NDST1: variants seen among roughly 807,000 people sequenced by gnomAD.
The protein encoded by NDST1 is N-deacetylase and N-sulfotransferase 1, also known as bifunctional heparan sulfate N-deacetylase/N-sulfotransferase 1.
A neutral mutation model predicts 92.8 loss-of-function variants in NDST1; 35 were observed. The ratio of observed to expected loss-of-function variants is 0.38; its 90% CI spans 0.29 to 0.50. The LOEUF (loss-of-function observed/expected upper bound fraction) is 0.50, where lower values mean the gene tolerates loss of function less well. Ranked by LOEUF, NDST1 falls within the 20% of genes least tolerant of loss-of-function variation. The pLI is 0.94. For missense variants in NDST1, 822 were observed against 1,182.7 expected (o/e 0.69, Z 4.47); for synonymous variants, 493 against 500.3 (o/e 0.99, Z 0.19).
intron 8 of NDST1, 23 bp from the exon 9 acceptor site, chr5:150,541,547 C>T (rs375545771): frequency 7.3e-5 from 117 of 1,611,806 alleles, no homozygotes; most frequent in Non-Finnish European, 9.3e-5. Context: ...GCGCCCCACA[C>T]ATCCCTTCCA....
intron 2 of NDST1, among the ~76,000 whole-genome samples, chr5:150,523,722 CGT>C (rs1754344742): frequency 6.6e-6 from 1 of 152,128 alleles, no homozygotes; most frequent in African/African-American, 2.4e-5. Context: ...GGCCATTGGG[CGT>C]AATTGGTACA....
At position 150,548,244 on chromosome 5, in the gene NDST1, G is replaced by A. The variant is rs1755576383; in HGVS notation, c.2172G>A (p.Val724=). ...YQHQRAHDDP[V]ALKYTFHEVI... is the part of the protein sequence containing the mutation. ...ACCAGCGAGCCCATGACGACCCAGT[G>A]GCCCTAAAGTACACCTTCCATGAGG... Residue 724 remains valine, a synonymous_variant, in exon 12 of 15, where the codon GTG becomes GTA. Coordinates refer to ENST00000261797, the MANE Select transcript of NDST1 (RefSeq NM_001543.5). 3.1e-6 allele frequency: 5 copies of A among 1,614,070 alleles called. No homozygotes were observed.
chr5:150,509,775 C>G (rs1753634485), intron 1 of NDST1, among the ~76,000 whole-genome samples: 1 of 152,236 alleles, frequency 6.6e-6, no homozygotes, highest in South Asian at 2.1e-4. Context: ...TCCCAAAGTG[C>G]TGGGATTACA....
chr5:150,513,051 C>CT (rs1753794421), intron 1 of NDST1, among the ~76,000 whole-genome samples: 1 of 152,084 alleles, frequency 6.6e-6, no homozygotes, highest in South Asian at 2.1e-4. Context: ...AAAAAATTAG[C>CT]TGGGCATGGT....
intron 2 of NDST1, among the ~76,000 whole-genome samples, chr5:150,526,042 T>C (rs915056683): frequency 3.9e-5 from 6 of 152,232 alleles, no homozygotes; most frequent in African/African-American, 1.4e-4. Context: ...TTGGTCACTC[T>C]GCTGTCTTCT....
intron 2 of NDST1, among the ~76,000 whole-genome samples, chr5:150,523,421 A>G (rs187700062): frequency 6.6e-6 from 1 of 152,338 alleles, no homozygotes; most frequent in Admixed American, 6.5e-5. Flanking sequence ...CACCGTCTAC[A>G]TGCGTTGTGC....
At position 150,535,721 on chromosome 5, in the gene NDST1, A is replaced by G; in HGVS notation, c.1273A>G (p.Met425Val). The change falls in exon 6 of 15, where the codon ATG becomes GTG. Residue 425 changes from methionine (M) to valine (V), a missense_variant. Coordinates refer to ENST00000261797, the MANE Select transcript of NDST1 (RefSeq NM_001543.5). ...CTAGGAGCATGGCATTCCCACAGAC[A>G]TGGGGTATGCAGTGGCGCCCCACCA... ...FAVEHGIPTD[M>V]GYAVAPHHSG... is the part of the protein sequence containing the mutation. 6.2e-7 allele frequency: 1 copy of G among 1,614,172 alleles called. No homozygotes were observed.
At chr5:150,534,468 G>A (rs1754892839) in intron 4 of NDST1, among the ~76,000 whole-genome samples, 2 of 152,108 alleles carry the variant, frequency 1.3e-5, no homozygotes, top group Non-Finnish European at 2.9e-5. Context: ...GAGATAGAGG[G>A]TCAAACATCC....
At chr5:150,552,015 C>A in intron 14 of NDST1, 160 bp downstream of exon 14, 1 of 753,980 alleles carries the variant, frequency 1.3e-6, no homozygotes, top group Non-Finnish European at 1.6e-6. Flanking sequence ...GGGGCTGGGA[C>A]ATGGTGGGTC....
chr5:150,515,374 A>C (rs1753910002), intron 1 of NDST1, among the ~76,000 whole-genome samples: 1 of 152,224 alleles, frequency 6.6e-6, no homozygotes, highest in South Asian at 2.1e-4. Context: ...AATTAAAGAA[A>C]AATACTGTGC....
chr5:150,538,841 G>A (rs1755109654), intron 6 of NDST1, among the ~76,000 whole-genome samples: 2 of 152,218 alleles, frequency 1.3e-5, no homozygotes, highest in South Asian at 2.1e-4. Context: ...AAATGGCTAA[G>A]CCAGTGTGTG....
At chr5:150,540,721 T>C (rs2151294470) in intron 8 of NDST1, among the ~76,000 whole-genome samples, 1 of 151,854 alleles carries the variant, frequency 6.6e-6, no homozygotes, top group African/African-American at 2.4e-5. Context: ...GAGGCAGAGG[T>C]GGGAGGATCA....
At chr5:150,512,252 G>T (rs536412489) in intron 1 of NDST1, among the ~76,000 whole-genome samples, 8 of 152,140 alleles carry the variant, frequency 5.3e-5, no homozygotes, top group Admixed American at 3.9e-4. Context: ...GTGTGTGTTG[G>T]GGGGGCAGGG....
intron 10 of NDST1, among the ~76,000 whole-genome samples, chr5:150,544,911 C>A (rs559443533): frequency 1.5e-3 from 232 of 152,292 alleles, no homozygotes; most frequent in African/African-American, 5.5e-3. Context: ...CTGGGGCAGT[C>A]CTGGAGCCAC....
chr5:150,502,274 C>T (rs1753267141), intron 1 of NDST1, among the ~76,000 whole-genome samples: 1 of 151,764 alleles, frequency 6.6e-6, no homozygotes, highest in Non-Finnish European at 1.5e-5. Context: ...GTGGGGACGG[C>T]GGGGGAGCAA....
chr5:150,519,644 C>T (rs1427449167), intron 1 of NDST1, among the ~76,000 whole-genome samples: 1 of 151,916 alleles, frequency 6.6e-6, no homozygotes, highest in Non-Finnish European at 1.5e-5. Flanking sequence ...GCCGAGATTG[C>T]ACCATTGTCT....
At position 150,531,323 on chromosome 5, in the gene NDST1, C is replaced by T. The variant is rs116986884; in HGVS notation, c.1009-1622C>T. On this transcript the variant is annotated intron_variant, in intron 3 of 14. Transcript: ENST00000261797. ...TTTAACAGAGGTGGGCACTGAGGCT[C>T]AGGGAGTTGAGGTAACTTGCCCAAG... Among the ~76,000 whole-genome samples the T allele has an allele frequency of 5.1e-4, 77 of 152,178 alleles. 2 individuals are homozygous for T. In the East Asian group the frequency reaches 0.015, roughly 29 times the overall value.
rs1561594659 is a variant in NDST1 at position 150,521,807 on chromosome 5, C to T, written c.513+40C>T. ...GGGTCCCCGAGCAGTTCAGAGCCCC[C>T]TCTGCAGCTCAGTGCCTGAATTCTC... On this transcript the variant is annotated intron_variant, in intron 2 of 14. Transcript: ENST00000261797. This position sits in a 1 kb window ranked among gnomAD's most constrained non-coding sequence, Gnocchi z 5.9. The T allele has an allele frequency of 6.2e-6, 10 of 1,608,346 alleles. No homozygotes were observed. Among genetic ancestry groups the T allele is most frequent in the Admixed American group, 5.0e-5 (3 of 60,020 alleles).
chr5:150,552,326 T>A (rs977048310), intron 14 of NDST1, among the ~76,000 whole-genome samples: 14 of 151,952 alleles, frequency 9.2e-5, no homozygotes, highest in Non-Finnish European at 4.4e-5. Context: ...ATGAGATCCA[T>A]TTTGTAGGAT....
Sources: gnomAD v4.1 joint callset for allele counts (sites outside exome capture counted in the v4.1 genomes callset) on GRCh38, gnomAD v4.1.1 for gene constraint, Gnocchi (gnomAD v3.1) non-coding constraint, MANE v1.5 for transcripts, NCBI Gene and HGNC (gene_info 2026-07-23, HGNC 2026-07-21) for gene names.